The following EMC8 variants were observed in gnomAD, a reference collection of about 807,000 sequenced individuals.
EMC8 encodes the protein ER membrane protein complex subunit 8, also known as COX4 neighbor.
A neutral mutation model predicts 24.3 loss-of-function variants in EMC8; 11 were observed. The ratio of observed to expected loss-of-function variants is 0.45; its 90% confidence interval spans 0.28 to 0.75. The LOEUF is 0.75. EMC8 is among the 30% of genes least tolerant of loss of function. EMC8 has a pLI of 0.12. For missense variants in EMC8, 277 were observed against 282.7 expected (o/e 0.98, Z 0.14); for synonymous variants, 145 against 117.7 (o/e 1.23, Z -1.50).
intron 4 of EMC8, chr16:85,780,074 A>C (rs1904416012): frequency 1.7e-6 from 1 of 597,362 alleles, no homozygotes; most frequent in Non-Finnish European, 2.9e-6. Flanking sequence ...TTTCACGTGG[A>C]ATTCTGAGAA....
chr16:85,798,515 G>A (rs1905381467), intron 1 of EMC8: 1 of 152,602 alleles, frequency 6.6e-6, no homozygotes, highest in Non-Finnish European at 1.5e-5. Flanking sequence ...ACAAAGCTCA[G>A]GCACATTCAA....
rs1904397336 is a variant in EMC8, at chr16:85,779,680, C to G, written c.*28G>C. 6.2e-7 allele frequency: 1 copy of G among 1,609,662 alleles called. No homozygotes were observed. On this transcript the variant is annotated 3_prime_UTR_variant, in exon 5 of 5. Transcript: ENST00000253457. ...TTTCTTCTTCAACGTAGTGGAAAGG[C>G]CCGGAGCCCAGTCACAGCGGTGCCT...
At chr16:85,798,981 G>A (rs1464786464) in intron 1 of EMC8, 84 bp downstream of exon 1, 4 of 1,007,100 alleles carry the variant, frequency 4.0e-6, no homozygotes, top group Admixed American at 4.8e-5. Flanking sequence ...CCTGCTGGAG[G>A]GCGACCGCTG....
intron 1 of EMC8, among the ~76,000 whole-genome samples, chr16:85,790,130 G>A (rs904183571): frequency 4.0e-5 from 6 of 151,816 alleles, no homozygotes; most frequent in African/African-American, 1.5e-4. Flanking sequence ...TGCACAAGAG[G>A]AAACAAAATT....
intron 2 of EMC8, among the ~76,000 whole-genome samples, chr16:85,783,066 G>A (rs949535982): frequency 4.6e-5 from 7 of 152,172 alleles, no homozygotes; most frequent in African/African-American, 1.4e-4. Context: ...TTCGGAGGCC[G>A]AGGCAGGTGG....
rs955562827 is a variant in EMC8 at position 85,780,150 on chromosome 16, G to A, written c.473+229C>T. ...ATACATCAAAGCACAGGCCTGGGAA[G>A]AGTGTCTGTGCTCTAGCGCCTGGGG... On this transcript the variant is annotated intron_variant, in intron 4 of 4. Coordinates refer to ENST00000253457, the MANE Select transcript of EMC8 (RefSeq NM_006067.5). The A allele has an allele frequency of 5.0e-6, 3 of 601,610 alleles. No individual in the cohort carries two copies. In the African/African-American group the frequency reaches 5.6e-5, roughly 11 times the overall value. 37.3% of individuals were successfully genotyped at this position (601,610 alleles called of 1,614,324 possible).
At chr16:85,780,534 C>A in intron 3 of EMC8, 61 bp from the exon 4 acceptor site, 1 of 1,301,650 alleles carries the variant, frequency 7.7e-7, no homozygotes, top group Admixed American at 1.9e-5. Flanking sequence ...CAGCGGCAGG[C>A]GCCTCCTCGG....
chr16:85,799,262 A>T lies in EMC8; in HGVS notation c.34T>A (p.Cys12Ser), dbSNP rs1387330718. 3.7e-6 allele frequency: 6 copies of T among 1,611,808 alleles called. No individual in the cohort carries two copies. Among genetic ancestry groups the T allele is most frequent in the South Asian group, 1.1e-5 (1 of 91,004 alleles). ...TTGGCGCCGTGCAGCACCATCTTGC[A>T]GTAGGCCTGGGTGGTCAGTTTCACC... ...PGVKLTTQAY[C>S]KMVLHGAKYP... The change falls in exon 1 of 5, where the codon TGC (cysteine) becomes AGC (serine). Residue 12 changes from cysteine to serine, a missense_variant. Physicochemically the swap from Cys to Ser is moderately radical, Grantham distance 112. Coordinates refer to ENST00000253457, the MANE Select transcript of EMC8 (RefSeq NM_006067.5). This position sits in a 1 kb window ranked among gnomAD's most constrained non-coding sequence, Gnocchi z 4.2.
intron 1 of EMC8, among the ~76,000 whole-genome samples, chr16:85,790,456 T>A (rs1158463157): frequency 6.6e-6 from 1 of 152,238 alleles, no homozygotes; most frequent in African/African-American, 2.4e-5. Context: ...AATGGTGCTA[T>A]CATTGTGACT....
At chr16:85,780,898 T>C (rs141431499) in intron 3 of EMC8, 1 of 472,328 alleles carries the variant, frequency 2.1e-6, no homozygotes, top group Non-Finnish European at 3.9e-6. Flanking sequence ...CATGGACTGC[T>C]GGGCTAAACC....
At position 85,796,894 on chromosome 16, in the gene EMC8, G is replaced by A. The variant is rs1268831881; in HGVS notation, c.231+2171C>T. ...TAAGCTCCGCCTGTGAGGTTTAGGT[G>A]CTGTGCTTGCTGGCTTGCTGCACCT... is the stretch of plus-strand genomic sequence containing the variant. On this transcript the variant is annotated intron_variant, in intron 1 of 4. Coordinates refer to ENST00000253457, the MANE Select transcript of EMC8 (RefSeq NM_006067.5). 4.6e-5 allele frequency among the ~76,000 whole-genome samples: 7 copies of A among 152,220 alleles called. No individual in the cohort carries two copies. The East Asian group carries it at 5.8e-4, about 13-fold the overall frequency.
intron 1 of EMC8, among the ~76,000 whole-genome samples, chr16:85,790,908 C>A (rs1038208873): frequency 1.3e-5 from 2 of 152,088 alleles, no homozygotes; most frequent in African/African-American, 4.8e-5. Flanking sequence ...TTCACTGCAG[C>A]CTTGAACTCC....
At position 85,784,016 on chromosome 16, in the gene EMC8, T is replaced by G. The variant is rs80162146; in HGVS notation, c.309-2736A>C. 8.8e-3 allele frequency among the ~76,000 whole-genome samples: 1,344 copies of G among 152,290 alleles called. 24 individuals carry two copies. The highest frequency in any genetic ancestry group is 0.03 in the African/African-American group (1,253 of 41,560). On this transcript the variant is annotated intron_variant, in intron 2 of 4. Transcript: ENST00000253457. Reference sequence around the variant, plus strand: ...CCATCTTTCTTTTTTTTTCTTTTTTTGAGATGGAGTCTCACTCTGTCGCCT... The same window carrying G: ...CCATCTTTCTTTTTTTTTCTTTTTTGGAGATGGAGTCTCACTCTGTCGCCT...
At chr16:85,780,947 T>C in intron 3 of EMC8, 2 of 527,570 alleles carry the variant, frequency 3.8e-6, no homozygotes, top group Non-Finnish European at 6.8e-6. Flanking sequence ...GGTGGGTGCC[T>C]GGGAATTCGC....
At chr16:85,783,518 G>A (rs1014307729) in intron 2 of EMC8, among the ~76,000 whole-genome samples, 2 of 152,144 alleles carry the variant, frequency 1.3e-5, no homozygotes, top group Admixed American at 6.5e-5. Flanking sequence ...TCCTAAAACA[G>A]AACTTCCATC....
intron 2 of EMC8, among the ~76,000 whole-genome samples, chr16:85,783,622 G>A (rs1454141700): frequency 1.3e-5 from 2 of 152,224 alleles, no homozygotes; most frequent in East Asian, 1.9e-4. Context: ...GCAGGCCTTC[G>A]TTACGGTGAA....
At chr16:85,783,113 G>A (rs1226177809) in intron 2 of EMC8, among the ~76,000 whole-genome samples, 1 of 152,172 alleles carries the variant, frequency 6.6e-6, no homozygotes, top group Non-Finnish European at 1.5e-5. Flanking sequence ...GACCAGCCTG[G>A]CCAACATGGT....
At chr16:85,781,540 A>C (rs2152072372) in intron 2 of EMC8, 3 of 369,200 alleles carry the variant, frequency 8.1e-6, no homozygotes, top group East Asian at 5.1e-5. Flanking sequence ...AAGCAATCCC[A>C]CCTCTGCCTC....
Position 85,779,872 on chromosome 16 carries a change from G to C in EMC8, c.474-5C>G, listed in dbSNP as rs777991887. On this transcript the variant is annotated splice_polypyrimidine_tract_variant and splice_region_variant and intron_variant, in intron 4 of 4. Coordinates refer to ENST00000253457, the MANE Select transcript of EMC8 (RefSeq NM_006067.5). ...GGCCAGTCTTCACAGTAGTCACTAC[G>C]GGTCAAACATGAAGAAGTCAGCATC... 3 of 1,613,558 alleles carry C rather than the reference G, an allele frequency of 1.9e-6. No individual in the cohort carries two copies. Among genetic ancestry groups the C allele is most frequent in the Non-Finnish European group, 1.7e-6 (2 of 1,179,704 alleles).
Sources: gnomAD v4.1 joint callset for allele counts (sites outside exome capture counted in the v4.1 genomes callset) on GRCh38, gnomAD v4.1.1 for gene constraint, Gnocchi (gnomAD v3.1) non-coding constraint, MANE v1.5 for transcripts, NCBI Gene and HGNC (gene_info 2026-07-23, HGNC 2026-07-21) for gene names.